TMEM272: variants seen among roughly 807,000 people sequenced by gnomAD.
TMEM272 encodes the protein long intergenic non-protein coding RNA 282.
A neutral mutation model predicts 3.7 loss-of-function variants in TMEM272; 8 were observed. The ratio of observed to expected loss-of-function variants is 2.17; its 90% CI spans 1.27 to 3.91. The LOEUF is 3.91. Among genes scored for constraint, TMEM272 ranks in the 30% most tolerant of loss-of-function variants. The probability of loss-of-function intolerance (pLI) is 0.00; values close to 1 mark genes in which losing one functional copy is unlikely to be tolerated. For missense variants in TMEM272, 166 were observed against 91.5 expected (o/e 1.81, Z -3.32); for synonymous variants, 63 against 39.8 (o/e 1.58, Z -2.20).
the TMEM272 span, among the ~76,000 whole-genome samples, chr13:51,851,813 G>A: frequency 1.6e-3 from 238 of 152,274 alleles, no homozygotes; most frequent in Non-Finnish European, 2.5e-3. Context: ...GTGAGCCACC[G>A]CGCCCAGCCT....
At chr13:51,894,461 G>T in the TMEM272 span, among the ~76,000 whole-genome samples, 1 of 152,214 alleles carries the variant, frequency 6.6e-6, no homozygotes, top group Non-Finnish European at 1.5e-5. Context: ...CCAGGTTTGG[G>T]TGACGTATTC....
chr13:51,848,426 G>C (rs1296468608), upstream of TMEM272, among the ~76,000 whole-genome samples: 1 of 152,158 alleles, frequency 6.6e-6, no homozygotes, highest in Non-Finnish European at 1.5e-5. Context: ...GATGATAGTA[G>C]AATTGAGTGA....
chr13:51,836,912 G>A (rs753477157), intron 2 of TMEM272, among the ~76,000 whole-genome samples: 20 of 152,160 alleles, frequency 1.3e-4, no homozygotes, highest in Non-Finnish European at 2.2e-4. Context: ...AGAGGTAAAC[G>A]GGGACTCAAT....
the TMEM272 span, among the ~76,000 whole-genome samples, chr13:51,905,898 T>A: frequency 6.6e-6 from 1 of 152,208 alleles, no homozygotes; most frequent in South Asian, 2.1e-4. Flanking sequence ...AGGCTTCACC[T>A]GTGGCTCTGA....
chr13:51,873,400 A>G, the TMEM272 span, among the ~76,000 whole-genome samples: 1 of 152,248 alleles, frequency 6.6e-6, no homozygotes, highest in Admixed American at 6.5e-5. Flanking sequence ...GAGAGAGGGG[A>G]TGGGAAATCT....
intron 4 of TMEM272, among the ~76,000 whole-genome samples, chr13:51,817,813 TG>T (rs1956047028): frequency 6.6e-6 from 1 of 152,184 alleles, no homozygotes; most frequent in Admixed American, 6.5e-5. Flanking sequence ...ACAGACCATC[TG>T]GGCCCCTGGT....
At chr13:51,924,365 G>T in the TMEM272 span, among the ~76,000 whole-genome samples, 1 of 152,142 alleles carries the variant, frequency 6.6e-6, no homozygotes, top group African/African-American at 2.4e-5. Flanking sequence ...GACCAGCCTG[G>T]GCAACACAGC....
the TMEM272 span, among the ~76,000 whole-genome samples, chr13:51,923,027 G>A: frequency 2.0e-5 from 3 of 152,206 alleles, no homozygotes; most frequent in East Asian, 5.8e-4. Context: ...TGTCTTGGGG[G>A]CCACTGTTCT....
chr13:51,861,242 A>G, the TMEM272 span, among the ~76,000 whole-genome samples: 3 of 152,206 alleles, frequency 2.0e-5, no homozygotes, highest in African/African-American at 7.2e-5. Context: ...AAGGGTACAA[A>G]GTTGCAGATA....
the TMEM272 span, among the ~76,000 whole-genome samples, chr13:51,868,128 A>C: frequency 6.6e-6 from 1 of 152,248 alleles, no homozygotes; most frequent in East Asian, 1.9e-4. Flanking sequence ...CCTTTGCTAC[A>C]TAAATCATTT....
chr13:51,874,244 CACTT>C, the TMEM272 span, among the ~76,000 whole-genome samples: 15 of 152,206 alleles, frequency 9.9e-5, no homozygotes, highest in Admixed American at 3.3e-4. Context: ...GCTGTGTAGT[CACTT>C]ACCCTCACTC....
At chr13:51,833,376 T>C (rs535106923) in intron 2 of TMEM272, among the ~76,000 whole-genome samples, 2 of 152,208 alleles carry the variant, frequency 1.3e-5, no homozygotes, top group East Asian at 3.9e-4. Context: ...TCATCAATAA[T>C]ATCATCAAAT....
At chr13:51,919,346 A>C in the TMEM272 span, among the ~76,000 whole-genome samples, 1 of 152,160 alleles carries the variant, frequency 6.6e-6, no homozygotes, top group Non-Finnish European at 1.5e-5. Flanking sequence ...ATTTTGGTAC[A>C]TTTGCTTCAT....
chr13:51,823,272 A>C (rs1228146929), intron 3 of TMEM272, among the ~76,000 whole-genome samples: 1 of 152,122 alleles, frequency 6.6e-6, no homozygotes, highest in East Asian at 1.9e-4. Context: ...GAGAAGAAGG[A>C]CTCACTATGT....
At chr13:51,884,721 T>C in the TMEM272 span, among the ~76,000 whole-genome samples, 1 of 152,206 alleles carries the variant, frequency 6.6e-6, no homozygotes, top group Non-Finnish European at 1.5e-5. Flanking sequence ...TTGAAAATTT[T>C]CTCTGCATTC....
At chr13:51,920,313 T>C in the TMEM272 span, among the ~76,000 whole-genome samples, 1 of 152,174 alleles carries the variant, frequency 6.6e-6, no homozygotes, top group Non-Finnish European at 1.5e-5. Context: ...AGAGAAAAGA[T>C]AAGACTTTGA....
chr13:51,910,305 T>G, the TMEM272 span: 10 of 1,412,110 alleles, frequency 7.1e-6, no homozygotes, highest in Non-Finnish European at 1.0e-5. Flanking sequence ...CTCTACTTCA[T>G]AGCCTTCATA....
the TMEM272 span, among the ~76,000 whole-genome samples, chr13:51,863,063 A>G: frequency 3.3e-5 from 5 of 152,144 alleles, no homozygotes; most frequent in African/African-American, 1.2e-4. Flanking sequence ...TTCAGAGGGG[A>G]AAGGATGTAC....
chr13:51,921,999 T>C, the TMEM272 span, among the ~76,000 whole-genome samples: 1 of 152,196 alleles, frequency 6.6e-6, no homozygotes, highest in African/African-American at 2.4e-5. Context: ...ACGTGTGGGT[T>C]GTGCTTTTTA....
Sources: gnomAD v4.1 joint callset for allele counts (sites outside exome capture counted in the v4.1 genomes callset) on GRCh38, gnomAD v4.1.1 for gene constraint, MANE v1.5 for transcripts, NCBI Gene and HGNC (gene_info 2026-07-23, HGNC 2026-07-21) for gene names.